The following SCHIP1 variants were observed in gnomAD, a reference collection of about 807,000 sequenced individuals.
The protein encoded by SCHIP1 is schwannomin-interacting protein 1.
In SCHIP1, 8 loss-of-function variants were observed where a neutral mutation model predicts 29.7. The ratio of observed to expected loss-of-function variants is 0.27; its 90% CI spans 0.16 to 0.49. The LOEUF (loss-of-function observed/expected upper bound fraction) is 0.49. SCHIP1 is among the 20% of genes least tolerant of loss of function. The pLI, the probability that SCHIP1 is intolerant of heterozygous loss-of-function variation, is 0.99. For synonymous variants in SCHIP1, 76 were observed against 94.9 expected (o/e 0.80, Z 1.16); for missense variants, 193 against 294.6 (o/e 0.66, Z 2.52).
At chr3:159,807,188 C>A in the SCHIP1 span, among the ~76,000 whole-genome samples, 2 of 152,182 alleles carry the variant, frequency 1.3e-5, no homozygotes, top group Non-Finnish European at 2.9e-5. Context: ...CTTTTAAAAG[C>A]TACTAAAGTT....
the SCHIP1 span, among the ~76,000 whole-genome samples, chr3:159,714,377 T>G: frequency 1.3e-5 from 2 of 152,176 alleles, no homozygotes; most frequent in Non-Finnish European, 2.9e-5. Flanking sequence ...CACTGGGGCT[T>G]GTCGGACAGT....
the SCHIP1 span, among the ~76,000 whole-genome samples, chr3:159,282,437 A>G: frequency 6.6e-6 from 1 of 150,988 alleles, no homozygotes; most frequent in African/African-American, 2.4e-5. Flanking sequence ...TATGTGAGAT[A>G]TATTTTCCTA....
chr3:159,380,937 A>C, the SCHIP1 span, among the ~76,000 whole-genome samples: 1 of 152,214 alleles, frequency 6.6e-6, no homozygotes, highest in Non-Finnish European at 1.5e-5. Context: ...CACAGTCTGC[A>C]GCAGCTCATA....
chr3:159,723,184 TA>T, the SCHIP1 span, among the ~76,000 whole-genome samples: 1 of 152,224 alleles, frequency 6.6e-6, no homozygotes, highest in East Asian at 1.9e-4. Flanking sequence ...TGCTGAATCT[TA>T]ATGGTGTTTT....
the SCHIP1 span, among the ~76,000 whole-genome samples, chr3:159,363,367 G>A: frequency 6.6e-6 from 1 of 152,158 alleles, no homozygotes; most frequent in African/African-American, 2.4e-5. Flanking sequence ...AGAGCAGAGT[G>A]AAATATGGAT....
chr3:159,828,957 G>A, the SCHIP1 span, among the ~76,000 whole-genome samples: 1 of 152,086 alleles, frequency 6.6e-6, no homozygotes, highest in Admixed American at 6.5e-5. Context: ...CCTTAGCCCT[G>A]GCAAATTTAT....
At chr3:159,406,556 A>C in the SCHIP1 span, among the ~76,000 whole-genome samples, 1 of 152,236 alleles carries the variant, frequency 6.6e-6, no homozygotes, top group Non-Finnish European at 1.5e-5. Context: ...TATAAAATGC[A>C]CCGGCAATAG....
the SCHIP1 span, chr3:159,274,126 G>A: frequency 3.0e-6 from 3 of 985,276 alleles, no homozygotes; most frequent in Non-Finnish European, 3.6e-6. Context: ...AAGTTTGAGT[G>A]TTCTTTTTTG....
the SCHIP1 span, among the ~76,000 whole-genome samples, chr3:159,564,165 C>T: frequency 6.6e-6 from 1 of 152,126 alleles, no homozygotes; most frequent in Non-Finnish European, 1.5e-5. Flanking sequence ...GTACCCTGCA[C>T]TCACATATAC....
At chr3:159,601,156 C>T in the SCHIP1 span, among the ~76,000 whole-genome samples, 1 of 152,246 alleles carries the variant, frequency 6.6e-6, no homozygotes, top group South Asian at 2.1e-4. Context: ...TGTCTTGCTC[C>T]AGGTGCCTTG....
At chr3:159,609,436 T>C in the SCHIP1 span, among the ~76,000 whole-genome samples, 1 of 152,204 alleles carries the variant, frequency 6.6e-6, no homozygotes, top group Non-Finnish European at 1.5e-5. Context: ...CTATTAGTTG[T>C]TTGTAAATAT....
the SCHIP1 span, among the ~76,000 whole-genome samples, chr3:159,538,435 C>T: frequency 4.3e-3 from 647 of 152,186 alleles, 9 homozygotes; most frequent in Admixed American, 0.021. Context: ...CCTTTCAAAT[C>T]CTTTGTGTAG....
the SCHIP1 span, among the ~76,000 whole-genome samples, chr3:159,399,825 C>A: frequency 1.3e-5 from 2 of 152,162 alleles, no homozygotes; most frequent in African/African-American, 4.8e-5. Flanking sequence ...TATAGGCACA[C>A]ACCACCATGC....
At chr3:159,397,353 G>A in the SCHIP1 span, among the ~76,000 whole-genome samples, 103 of 152,266 alleles carry the variant, frequency 6.8e-4, 1 homozygote, top group African/African-American at 2.0e-3. Context: ...GCTTTGTTCC[G>A]TTGCTGGTGA....
chr3:159,795,098 T>C, the SCHIP1 span, among the ~76,000 whole-genome samples: 13 of 152,322 alleles, frequency 8.5e-5, no homozygotes, highest in East Asian at 1.9e-4. Context: ...AACTGTACTA[T>C]AGAGCTGCGA....
At chr3:159,878,831 A>G (rs977344271) in intron 2 of SCHIP1, among the ~76,000 whole-genome samples, 6 of 150,276 alleles carry the variant, frequency 4.0e-5, no homozygotes, top group Admixed American at 6.6e-5. Context: ...TAAAAAATAA[A>G]TAAAAATAAA....
chr3:159,496,808 A>C, the SCHIP1 span, among the ~76,000 whole-genome samples: 1 of 152,210 alleles, frequency 6.6e-6, no homozygotes, highest in Non-Finnish European at 1.5e-5. Context: ...ATGCACACGT[A>C]TGTTTATTGC....
At chr3:159,386,557 T>C in the SCHIP1 span, among the ~76,000 whole-genome samples, 39 of 151,866 alleles carry the variant, frequency 2.6e-4, no homozygotes, top group African/African-American at 9.2e-4. Flanking sequence ...AAATTTCATA[T>C]GGAACCAAAA....
At chr3:159,383,173 G>A in the SCHIP1 span, among the ~76,000 whole-genome samples, 2 of 150,390 alleles carry the variant, frequency 1.3e-5, no homozygotes, top group Admixed American at 1.3e-4. Flanking sequence ...TAGACATGAA[G>A]TCCTTGCCCA....
Sources: gnomAD v4.1 joint callset for allele counts (sites outside exome capture counted in the v4.1 genomes callset) on GRCh38, gnomAD v4.1.1 for gene constraint, MANE v1.5 for transcripts, NCBI Gene and HGNC (gene_info 2026-07-23, HGNC 2026-07-21) for gene names.